Variants in FAM20C observed in about 807,000 individuals in gnomAD.
FAM20C encodes extracellular serine/threonine protein kinase FAM20C.
Under a neutral mutation model 51.5 loss-of-function variants are expected in FAM20C, and 40 were observed. The ratio of observed to expected loss-of-function variants is 0.78; its 90% CI spans 0.60 to 1.01. The LOEUF (loss-of-function observed/expected upper bound fraction) is 1.01. Ranked by LOEUF, FAM20C falls within the 50% of genes least tolerant of loss-of-function variation. The pLI, the probability that FAM20C is intolerant of heterozygous loss-of-function variation, is 0.00. For missense variants in FAM20C, 861 were observed against 844.7 expected, an observed-to-expected ratio of 1.02 and a Z score of -0.24; for synonymous variants, 406 against 380.6, an observed-to-expected ratio of 1.07 and a Z score of -0.78.
chr7:234,130 C>A, intron 3 of FAM20C, among the ~76,000 whole-genome samples: 1 of 152,334 alleles, frequency 6.6e-6, no homozygotes, highest in South Asian at 2.1e-4. Context: ...CAAGTGGAGG[C>A]GTGACGCCTG....
At chr7:251,255 G>A (rs1252353603) in intron 5 of FAM20C, among the ~76,000 whole-genome samples, 2 of 120,068 alleles carry the variant, frequency 1.7e-5, no homozygotes, top group Non-Finnish European at 3.2e-5. Flanking sequence ...TGAGTGGCCG[G>A]GCACGGTGGC....
intron 1 of FAM20C, among the ~76,000 whole-genome samples, chr7:195,030 A>G (rs1026595949): frequency 6.6e-6 from 1 of 152,188 alleles, no homozygotes; most frequent in Non-Finnish European, 1.5e-5. Context: ...GGCTGCTCTC[A>G]TTAAAATCAA....
chr7:240,884 T>C (rs1034696291), intron 3 of FAM20C, among the ~76,000 whole-genome samples: 86,029 of 152,096 alleles, frequency 0.57, 25,521 homozygotes, highest in African/African-American at 0.76. Context: ...GGGGCACATG[T>C]GAAGGCAGCG....
chr7:256,559 T>C (rs1336855424), intron 6 of FAM20C, 95 bp from the exon 7 acceptor site: 155 of 1,019,316 alleles, frequency 1.5e-4, no homozygotes, highest in Non-Finnish European at 4.4e-6. Context: ...GACGCCAAGG[T>C]CCCTGCCGCA....
intron 8 of FAM20C, among the ~76,000 whole-genome samples, chr7:258,305 T>A (rs878901183): frequency 8.6e-4 from 15 of 17,468 alleles, no homozygotes; most frequent in South Asian, 1.8e-3. Flanking sequence ...TGGAGATGGG[T>A]GGGATGGACC....
chr7:230,021 C>T (rs1481205219), intron 3 of FAM20C, among the ~76,000 whole-genome samples: 4 of 152,078 alleles, frequency 2.6e-5, no homozygotes, highest in Non-Finnish European at 4.4e-5. Context: ...CTTCCGCTTC[C>T]GCGACCCTCT....
intron 8 of FAM20C, among the ~76,000 whole-genome samples, chr7:258,193 T>TG (rs1562401590): frequency 8.8e-5 from 9 of 102,004 alleles, no homozygotes; most frequent in African/African-American, 3.3e-4. Context: ...GTGCTGGAGA[T>TG]AGGCAGGGTG....
Position 195,672 on chromosome 7 carries a change from C to G in FAM20C, c.724C>G (p.His242Asp). The G allele has an allele frequency of 6.2e-7, 1 of 1,611,444 alleles. No homozygotes were observed. The highest frequency in any genetic ancestry group is 8.5e-7 in the Non-Finnish European group (1 of 1,178,868). ...GINRYELYSR[H>D]NPAIEALLHD... Reference sequence around the variant, plus strand: ...CAACCGGTACGAGCTGTACTCCAGACACAACCCGGCCATCGAGGCCCTGCT... The same window carrying G: ...CAACCGGTACGAGCTGTACTCCAGAGACAACCCGGCCATCGAGGCCCTGCT... The change falls in exon 2 of 10, where the codon CAC (histidine) becomes GAC (aspartate). Residue 242 changes from histidine to aspartate, a missense_variant. By Grantham distance (81) the His-to-Asp change is moderately conservative. Transcript: ENST00000313766.
Position 224,248 on chromosome 7 carries a change from G to C in FAM20C, c.863+15272G>C, listed in dbSNP as rs1375310623. Among the ~76,000 whole-genome samples the C allele has an allele frequency of 1.2e-3, 107 of 86,996 alleles. 1 individual carries two copies. Among genetic ancestry groups the C allele is most frequent in the African/African-American group, 4.1e-3 (94 of 23,124 alleles). The allele number at this position is 86,996 out of a possible 152,430, so 57.1% of individuals were successfully genotyped here. The stretch of plus-strand genomic sequence containing the variant: ...TTCTCTCACGGAGCAGAACGGCACT[G>C]TCACGGGGTCGCATGGCGGCTGTCC... On this transcript the variant is annotated intron_variant, in intron 3 of 9. Coordinates refer to ENST00000313766, the MANE Select transcript of FAM20C (RefSeq NM_020223.4).
chr7:249,486 A>T (rs888121305), intron 5 of FAM20C, among the ~76,000 whole-genome samples: 5 of 152,362 alleles, frequency 3.3e-5, no homozygotes, highest in Admixed American at 3.3e-4. Context: ...CACGCCTGTA[A>T]TCTCAGCATT....
chr7:246,790 C>T (rs566843020), intron 4 of FAM20C, among the ~76,000 whole-genome samples: 21 of 152,252 alleles, frequency 1.4e-4, no homozygotes, highest in African/African-American at 4.3e-4. Context: ...ACACAACACG[C>T]GGTAGGGAGA....
chr7:220,439 C>T (rs1007991795), intron 3 of FAM20C, among the ~76,000 whole-genome samples: 3 of 151,998 alleles, frequency 2.0e-5, no homozygotes, highest in Admixed American at 6.5e-5. Context: ...TGAACAAATA[C>T]GCAGGAACGT....
intron 3 of FAM20C, among the ~76,000 whole-genome samples, chr7:212,289 C>T (rs1786759638): frequency 6.6e-6 from 1 of 152,122 alleles, no homozygotes. Flanking sequence ...ATGGTGAAAC[C>T]CCATCTCTAC....
At chr7:258,253 A>G (rs1386037946) in intron 8 of FAM20C, among the ~76,000 whole-genome samples, 575 of 23,204 alleles carry the variant, frequency 0.025, no homozygotes, top group Admixed American at 0.034. Context: ...CCACTGCCTG[A>G]GGTGCTGGAG....
chr7:256,291 G>A (rs1788587009), intron 6 of FAM20C: 2 of 591,030 alleles, frequency 3.4e-6, no homozygotes, highest in Admixed American at 3.1e-5. Context: ...CAGCGTTTGA[G>A]CTCTGCTCTC....
intron 2 of FAM20C, among the ~76,000 whole-genome samples, chr7:206,631 G>T (rs1376291680): frequency 7.0e-6 from 1 of 143,352 alleles, no homozygotes; most frequent in African/African-American, 2.6e-5. Context: ...GGTCCCCTCG[G>T]CCCCGCACAC....
intron 3 of FAM20C, chr7:228,573 C>T: frequency 4.4e-6 from 2 of 456,256 alleles, no homozygotes; most frequent in Non-Finnish European, 8.8e-6. Flanking sequence ...GCCTACACCC[C>T]CAGCTCTCCT....
chr7:200,828 C>T (rs1343166954), intron 2 of FAM20C, among the ~76,000 whole-genome samples: 3 of 152,146 alleles, frequency 2.0e-5, no homozygotes, highest in Non-Finnish European at 4.4e-5. Flanking sequence ...ACTGGCAGAT[C>T]CAGGTCCAGA....
At chr7:248,836 C>T (rs1248271400) in intron 5 of FAM20C, among the ~76,000 whole-genome samples, 2 of 151,976 alleles carry the variant, frequency 1.3e-5, no homozygotes, top group Non-Finnish European at 2.9e-5. Flanking sequence ...TCCACGTAGC[C>T]TGGCACGGGG....
Sources: gnomAD v4.1 joint callset for allele counts (sites outside exome capture counted in the v4.1 genomes callset) on GRCh38, gnomAD v4.1.1 for gene constraint, MANE v1.5 for transcripts, NCBI Gene and HGNC (gene_info 2026-07-23, HGNC 2026-07-21) for gene names.